SIGLEC1: variants seen among roughly 807,000 people sequenced by gnomAD.
The protein encoded by SIGLEC1 is sialic acid binding Ig like lectin 1, also known as sialoadhesin.
Under a neutral mutation model 148.0 loss-of-function variants are expected in SIGLEC1, and 132 were observed. The ratio of observed to expected loss-of-function variants is 0.89; its 90% CI spans 0.77 to 1.03. The LOEUF (loss-of-function observed/expected upper bound fraction) is 1.03. Ranked by LOEUF, SIGLEC1 falls within the 50% of genes least tolerant of loss-of-function variation. The pLI is 0.00. For missense variants in SIGLEC1, 2,253 were observed against 2,271.4 expected, an observed-to-expected ratio of 0.99 and a Z score of 0.16; for synonymous variants, 945 against 969.0, an observed-to-expected ratio of 0.98 and a Z score of 0.46.
In SIGLEC1 at chr20:3,697,123, C is replaced by A. The variant is rs747256851; in HGVS notation, c.2342G>T (p.Gly781Val). ...GAGCACGGGAGTGGAGAGCTGGGCA[C>A]CAGCCTCAGTCAGGATGCGGCAGGC... is the stretch of plus-strand genomic sequence containing the variant. ...LYACRILTEA[G>V]AQLSTPVLLS... Residue 781 changes from glycine (G) to valine (V), a missense_variant, in exon 10 of 22, where the codon GGT becomes GTT. Physicochemically the swap from Gly to Val is moderately radical, Grantham distance 109. Coordinates refer to ENST00000344754, the MANE Select transcript of SIGLEC1 (RefSeq NM_023068.4). The A allele has an allele frequency of 6.2e-7, 1 of 1,613,366 alleles. No individual in the cohort carries two copies. The highest frequency in any genetic ancestry group is 1.7e-5 in the Admixed American group (1 of 60,000).
chr20:3,691,753 G>C lies in SIGLEC1; in HGVS notation c.4330+150C>G, dbSNP rs139764183. 1.3e-4 allele frequency: 169 copies of C among 1,314,380 alleles called. 1 individual carries two copies. In the African/African-American group the frequency reaches 2.0e-3, roughly 15 times the overall value. The allele number at this position is 1,314,380 out of a possible 1,614,324, so 81.4% of individuals were successfully genotyped here. On this transcript the variant is annotated intron_variant, in intron 17 of 21. Transcript: ENST00000344754. ...CCAAGGTGGAACCATGCCCCCTCCAGTGGGAGCTGTGCCCCCTCCACCAGA... is the reference window on the plus strand; with the variant it reads ...CCAAGGTGGAACCATGCCCCCTCCACTGGGAGCTGTGCCCCCTCCACCAGA...
chr20:3,695,313 A>G (rs979021082), intron 11 of SIGLEC1, among the ~76,000 whole-genome samples: 6 of 152,176 alleles, frequency 3.9e-5, no homozygotes, highest in Non-Finnish European at 8.8e-5. Flanking sequence ...AGGGATTTAG[A>G]TCATCCCGGG....
intron 7 of SIGLEC1, among the ~76,000 whole-genome samples, chr20:3,700,702 T>C (rs571490262): frequency 0.059 from 1,131 of 19,116 alleles, 3 homozygotes; most frequent in Middle Eastern, 0.12. Context: ...TTTTTCTTTT[T>C]TTTTTTTTTT....
In SIGLEC1 at chr20:3,694,426, C is replaced by T; in HGVS notation, c.3051G>A (p.Leu1017=). The T allele has an allele frequency of 1.9e-6, 3 of 1,611,920 alleles. No individual in the cohort carries two copies. Among genetic ancestry groups the T allele is most frequent in the Non-Finnish European group, 8.5e-7 (1 of 1,178,822 alleles). ...VDSDPPAQLR[L]LHGDRLVAST... is the part of the protein sequence containing the mutation. ...AGGCCACAAGGCGATCCCCGTGGAG[C>T]AGCCGCAGCTGGGCCGGAGGGTCAC... Residue 1017 remains leucine (L), a synonymous_variant, in exon 13 of 22, where the codon CTG becomes CTA. Coordinates refer to ENST00000344754, the MANE Select transcript of SIGLEC1 (RefSeq NM_023068.4).
chr20:3,697,841 A>G lies in SIGLEC1; in HGVS notation c.2079T>C (p.Asn693=), dbSNP rs1367094602. 1 of 1,612,970 alleles carries G rather than the reference A, an allele frequency of 6.2e-7. No individual in the cohort carries two copies. The highest frequency in any genetic ancestry group is 8.5e-7 in the Non-Finnish European group (1 of 1,179,976). The change falls in exon 9 of 22, where the codon AAT becomes AAC. Residue 693 remains asparagine, a synonymous_variant. Transcript: ENST00000344754. ...EEGLYLCEAS[N]ALGNASTSAT... Reference sequence around the variant, plus strand: ...CTGAGGTGGAGGCGTTGCCCAGGGCATTGCTGGCCTCACAGAGGTACAAGC... The same window carrying G: ...CTGAGGTGGAGGCGTTGCCCAGGGCGTTGCTGGCCTCACAGAGGTACAAGC...
In SIGLEC1 at chr20:3,701,648, G is replaced by A. The variant is rs367876528; in HGVS notation, c.1229-7C>T. ...ACTGGAGTGAGAGGCGGGTCTGTGT[G>A]GAGACGAGAGGTGGGCCTGTCACCC... On this transcript the variant is annotated splice_polypyrimidine_tract_variant and splice_region_variant and intron_variant, in intron 6 of 21. Coordinates refer to ENST00000344754, the MANE Select transcript of SIGLEC1 (RefSeq NM_023068.4). The A allele has an allele frequency of 3.1e-4, 476 of 1,540,454 alleles. No homozygotes were observed. The African/African-American group carries it at 5.1e-3, about 16-fold the overall frequency.
intron 3 of SIGLEC1, 122 bp downstream of exon 3, chr20:3,706,225 G>A: frequency 7.0e-7 from 1 of 1,422,872 alleles, no homozygotes; most frequent in Non-Finnish European, 9.5e-7. Flanking sequence ...CGCCGGGGCT[G>A]GAACAGAGGC....
Position 3,701,737 on chromosome 20 carries a change from C to G in SIGLEC1, c.1229-96G>C, listed in dbSNP as rs1216845002. ...GTGACCTCTGCACCGCTTTGTCCCA[C>G]ACTGCCCTGTGAGAAGGGGGTGATC... On this transcript the variant is annotated intron_variant, in intron 6 of 21. Transcript: ENST00000344754. 10 of 1,219,532 alleles carry G rather than the reference C, an allele frequency of 8.2e-6. No individual in the cohort carries two copies. The African/African-American group carries it at 1.5e-4, about 19-fold the overall frequency. The allele number at this position is 1,219,532 out of a possible 1,614,324, so 75.5% of individuals were successfully genotyped here. A position where few individuals can be genotyped will look rare whatever the true frequency, so the allele number is the denominator to read the frequency against.
Position 3,699,111 on chromosome 20 carries a change from G to GGGGCAGGGCA in SIGLEC1, c.1786+81_1786+90dup, listed in dbSNP as rs1692309657. 4.8e-6 allele frequency: 7 copies of GGGGCAGGGCA among 1,445,028 alleles called. No individual in the cohort carries two copies. In the East Asian group the frequency reaches 1.7e-4, roughly 35 times the overall value. 89.5% of individuals were successfully genotyped at this position (1,445,028 alleles called of 1,614,324 possible). ...ACCCAGCCCTCCCGATATAGACCGTGGGGCAGGGCAGGACAGGGCTGGGGG... is the reference window on the plus strand; with the variant it reads ...ACCCAGCCCTCCCGATATAGACCGTGGGGCAGGGCAGGGCAGGGCAGGACAGGGCTGGGGG... On this transcript the variant is annotated intron_variant, in intron 8 of 21. Coordinates refer to ENST00000344754, the MANE Select transcript of SIGLEC1 (RefSeq NM_023068.4).
chr20:3,697,386 AG>A, intron 9 of SIGLEC1, 44 bp from the exon 10 acceptor site: 14 of 1,607,390 alleles, frequency 8.7e-6, no homozygotes, highest in Non-Finnish European at 1.2e-5. Flanking sequence ...CCCGGCCCCC[AG>A]GAGCCAGGGG....
chr20:3,691,996 C>A lies in SIGLEC1; in HGVS notation c.4237G>T (p.Val1413Leu). ...QVARNALRLQ[V>L]QDVPAGDDTY... ...TCATCACCTGCAGGCACATCTTGCA[C>A]CTGCAGCCGTAGGGCGTTTCGGGCC... The change falls in exon 17 of 22, where the codon GTG (valine) becomes TTG (leucine). Residue 1413 changes from valine (V) to leucine (L), a missense_variant. Val to Leu is a conservative substitution (Grantham distance 32). Coordinates refer to ENST00000344754, the MANE Select transcript of SIGLEC1 (RefSeq NM_023068.4). 1 of 1,613,404 alleles carries A rather than the reference C, an allele frequency of 6.2e-7. No homozygotes were observed. Among genetic ancestry groups the A allele is most frequent in the Non-Finnish European group, 8.5e-7 (1 of 1,179,730 alleles).
rs2087903497 is a variant in SIGLEC1, at chr20:3,707,188, C to T, written c.-60G>A. 3 of 1,521,772 alleles carry T rather than the reference C, an allele frequency of 2.0e-6. No individual in the cohort carries two copies. The highest frequency in any genetic ancestry group is 1.7e-4 in the Middle Eastern group (1 of 5,726). 94.3% of individuals were successfully genotyped at this position (1,521,772 alleles called of 1,614,324 possible). A position where few individuals can be genotyped will look rare whatever the true frequency, so the allele number is the denominator to read the frequency against. ...GGTGGTGCGCACTGCGCTGGCTGGG[C>T]TCACAGGGGCCTCCAGGGACACCTC... is the stretch of plus-strand genomic sequence containing the variant. On this transcript the variant is annotated 5_prime_UTR_variant, in exon 2 of 22. Transcript: ENST00000344754.
rs1248355745 is a variant in SIGLEC1 at position 3,701,526 on chromosome 20, C to A, written c.1344G>T (p.Gly448=). The A allele has an allele frequency of 1.2e-6, 2 of 1,613,922 alleles. No homozygotes were observed. Among genetic ancestry groups the A allele is most frequent in the South Asian group, 1.1e-5 (1 of 91,062 alleles). The change falls in exon 7 of 22, where the codon GGG becomes GGT. Residue 448 remains glycine (G), a synonymous_variant. Transcript: ENST00000344754. ...EPLATLVLSH[G]GHILASTSGD... ...CGGAGGTGGAGGCCAGGATATGACCCCCATGTGACAGCACCAGTGTGGCCA... is the reference window on the plus strand; with the variant it reads ...CGGAGGTGGAGGCCAGGATATGACCACCATGTGACAGCACCAGTGTGGCCA...
At position 3,689,917 on chromosome 20, in the gene SIGLEC1, G is replaced by A. The variant is rs531629896; in HGVS notation, c.4894+45C>T. On this transcript the variant is annotated intron_variant, in intron 19 of 21. Coordinates refer to ENST00000344754, the MANE Select transcript of SIGLEC1 (RefSeq NM_023068.4). ...GGAAGCCTTTGGGCCTAAGAGCTGGGCTTTTGTGCAGAGTGGCCTGGGAGA... is the reference window on the plus strand; with the variant it reads ...GGAAGCCTTTGGGCCTAAGAGCTGGACTTTTGTGCAGAGTGGCCTGGGAGA... The A allele has an allele frequency of 3.1e-5, 47 of 1,528,862 alleles. No homozygotes were observed. The South Asian group carries it at 5.2e-4, about 17-fold the overall frequency. The allele number at this position is 1,528,862 out of a possible 1,614,324, so 94.7% of individuals were successfully genotyped here.
chr20:3,700,192 G>A (rs151332031), intron 7 of SIGLEC1, among the ~76,000 whole-genome samples: 7,599 of 119,702 alleles, frequency 0.063, 276 homozygotes, highest in East Asian at 0.14. Context: ...ATCTCAGCTC[G>A]CTACAACCTC....
At chr20:3,704,211 G>C in intron 4 of SIGLEC1, 120 bp from the exon 5 acceptor site, 2 of 954,424 alleles carry the variant, frequency 2.1e-6, no homozygotes, top group Non-Finnish European at 3.1e-6. Context: ...TAAAACAGCA[G>C]TCCCCTTCAA....
rs1276545014 is a variant in SIGLEC1 at position 3,688,312 on chromosome 20, AG to A, written c.*247del. The A allele has an allele frequency of 4.0e-6, 2 of 501,910 alleles. No individual in the cohort carries two copies. The highest frequency in any genetic ancestry group is 3.9e-5 in the African/African-American group (2 of 51,070). The allele number at this position is 501,910 out of a possible 1,614,324, so 31.1% of individuals were successfully genotyped here. A position where few individuals can be genotyped will look rare whatever the true frequency, so the allele number is the denominator to read the frequency against. ...AATGGAGAGAAGGGAGGAGATCCAGAGAAGAGAGAGCGAGATCAGCTCAGTG... is the reference window on the plus strand; with the variant it reads ...AATGGAGAGAAGGGAGGAGATCCAGAAAGAGAGAGCGAGATCAGCTCAGTG... On this transcript the variant is annotated 3_prime_UTR_variant, in exon 22 of 22. Coordinates refer to ENST00000344754, the MANE Select transcript of SIGLEC1 (RefSeq NM_023068.4).
Position 3,688,584 on chromosome 20 carries a change from TGA to T in SIGLEC1, c.5104_5105del (p.Ser1702AsnfsTer30). The T allele has an allele frequency of 1.2e-6, 2 of 1,603,134 alleles. No individual in the cohort carries two copies. The highest frequency in any genetic ancestry group is 1.7e-6 in the Non-Finnish European group (2 of 1,174,568). On this transcript the variant is annotated frameshift_variant, in exon 22 of 22. Transcript: ENST00000344754. LOFTEE classifies it high-confidence loss of function. ...GTCAGCCCAGGGGTGGGGCACAGGT[TGA>T]GGTCTCACATGTGGCTGCATCAGGA... is the stretch of plus-strand genomic sequence containing the variant. The part of the protein sequence containing the change: ...IDPDAATCET[S>X]TCAPPLG
At chr20:3,700,752 G>C (rs4813634) in intron 7 of SIGLEC1, among the ~76,000 whole-genome samples, 97,418 of 146,314 alleles carry the variant, frequency 0.67, 32,903 homozygotes, top group African/African-American at 0.76. Flanking sequence ...CCAGGCTGGA[G>C]TGCAGTGGCG....
Sources: allele counts gnomAD v4.1 joint callset (sites outside exome capture counted in the v4.1 genomes callset), GRCh38; gene constraint gnomAD v4.1.1; transcripts MANE v1.5; gene names NCBI Gene and HGNC (gene_info 2026-07-23, HGNC 2026-07-21).